FLI1: variants seen among roughly 807,000 people sequenced by gnomAD.
FLI1 encodes the protein Friend leukemia integration 1 transcription factor.
Under a neutral mutation model 53.1 loss-of-function variants are expected in FLI1, and 13 were observed. The observed-to-expected ratio is 0.24, with a 90% CI of 0.16 to 0.39. The LOEUF (loss-of-function observed/expected upper bound fraction) is 0.39, where lower values mean the gene tolerates loss of function less well. Ranked by LOEUF, FLI1 falls within the 10% of genes least tolerant of loss-of-function variation. The pLI is 1.00. For missense variants in FLI1, 424 were observed against 600.5 expected, an observed-to-expected ratio of 0.71 and a Z score of 3.07; for synonymous variants, 244 against 236.7, an observed-to-expected ratio of 1.03 and a Z score of -0.28.
At chr11:128,685,708 C>CAA (rs5795633), upstream of FLI1, among the ~76,000 whole-genome samples, 339 of 57,608 alleles carry the variant, frequency 5.9e-3, 100 homozygotes, top group Middle Eastern at 0.011. Context: ...CTTGAGGAGC[C>CAA]AAAAAAAAAA....
intron 2 of FLI1, among the ~76,000 whole-genome samples, chr11:128,766,520 C>T (rs1021801866): frequency 2.6e-5 from 4 of 152,148 alleles, no homozygotes; most frequent in African/African-American, 9.7e-5. Context: ...ATTTATCTCC[C>T]AGCTATGATA....
chr11:128,736,484 G>A (rs184404331), intron 1 of FLI1, among the ~76,000 whole-genome samples: 79 of 152,306 alleles, frequency 5.2e-4, no homozygotes, highest in African/African-American at 1.9e-3. Context: ...TTTCTCACTT[G>A]AGCAACTTTG....
At chr11:128,764,231 A>G (rs958467317) in intron 2 of FLI1, among the ~76,000 whole-genome samples, 4 of 152,166 alleles carry the variant, frequency 2.6e-5, no homozygotes, top group African/African-American at 9.7e-5. Context: ...AACACCCAAG[A>G]TCTTACACCT....
rs202161078 is a variant in FLI1, at chr11:128,768,280, G to C, written c.385+8G>C. 3 of 1,612,432 alleles carry C rather than the reference G, an allele frequency of 1.9e-6. No individual in the cohort carries two copies. Among genetic ancestry groups the C allele is most frequent in the East Asian group, 2.2e-5 (1 of 44,818 alleles). On this transcript the variant is annotated splice_region_variant and intron_variant, in intron 3 of 8. Coordinates refer to ENST00000527786, the MANE Select transcript of FLI1 (RefSeq NM_002017.5). ...GAGTCATCGTCCCCGCAGGTAATTC[G>C]AGAACCAGGCTGCCTGGGCGCCATT...
intron 2 of FLI1, among the ~76,000 whole-genome samples, chr11:128,762,981 C>T (rs886191313): frequency 9.9e-5 from 15 of 151,940 alleles, no homozygotes; most frequent in African/African-American, 2.9e-4. Flanking sequence ...TTATGTAGTT[C>T]GCACATGTGG....
chr11:128,789,410 G>A (rs548612009), intron 5 of FLI1, among the ~76,000 whole-genome samples: 17 of 152,276 alleles, frequency 1.1e-4, no homozygotes, highest in East Asian at 3.9e-4. Context: ...CGGGGAGGGC[G>A]GAGTAGGTGG....
intron 5 of FLI1, among the ~76,000 whole-genome samples, chr11:128,791,465 C>T (rs1168357062): frequency 6.6e-6 from 1 of 152,134 alleles, no homozygotes; most frequent in Non-Finnish European, 1.5e-5. Context: ...TGCTTATACC[C>T]ACTGTTTTAC....
intron 1 of FLI1, among the ~76,000 whole-genome samples, chr11:128,696,317 AGT>A (rs1190609866): frequency 6.6e-6 from 1 of 152,226 alleles, no homozygotes; most frequent in African/African-American, 2.4e-5. Context: ...TTGAGCCTTT[AGT>A]GTGTGTGTTG....
chr11:128,768,711 A>G (rs1437376224), intron 3 of FLI1, among the ~76,000 whole-genome samples: 1 of 136,456 alleles, frequency 7.3e-6, no homozygotes, highest in Non-Finnish European at 1.6e-5. Context: ...AAAAAAAAAA[A>G]GCTGCACATT....
chr11:128,736,950 G>T (rs1293760299), intron 1 of FLI1, among the ~76,000 whole-genome samples: 1 of 152,136 alleles, frequency 6.6e-6, no homozygotes, highest in Non-Finnish European at 1.5e-5. Flanking sequence ...TCTTCCCAAA[G>T]GAGGCACATT....
At chr11:128,692,355 C>T (rs1466388812), upstream of FLI1, among the ~76,000 whole-genome samples, 1 of 152,028 alleles carries the variant, frequency 6.6e-6, no homozygotes, top group African/African-American at 2.4e-5. Context: ...TGTGGCGGTC[C>T]CAGGGGAGCC....
chr11:128,688,540 A>G (rs1483877665), intron 1 of FLI1, among the ~76,000 whole-genome samples: 2 of 152,190 alleles, frequency 1.3e-5, no homozygotes, highest in African/African-American at 4.8e-5. Context: ...CACCCGGCTC[A>G]GGAGTTGTTG....
At chr11:128,697,435 T>G (rs1248054217) in intron 1 of FLI1, among the ~76,000 whole-genome samples, 1 of 152,232 alleles carries the variant, frequency 6.6e-6, no homozygotes, top group Non-Finnish European at 1.5e-5. Flanking sequence ...TTCTTGTATC[T>G]GTTTCCTTAT....
At chr11:128,796,643 C>T (rs1047040489) in intron 5 of FLI1, among the ~76,000 whole-genome samples, 5 of 152,186 alleles carry the variant, frequency 3.3e-5, no homozygotes, top group African/African-American at 7.2e-5. Context: ...AGCTCAGGGA[C>T]GGAAGTGTTT....
intron 1 of FLI1, among the ~76,000 whole-genome samples, chr11:128,743,890 CG>C (rs1314527633): frequency 6.6e-6 from 1 of 152,144 alleles, no homozygotes; most frequent in African/African-American, 2.4e-5. Flanking sequence ...AGATGGATGC[CG>C]GGAGACAGGA....
At chr11:128,707,931 CT>C (rs1565459084) in intron 1 of FLI1, among the ~76,000 whole-genome samples, 1 of 152,124 alleles carries the variant, frequency 6.6e-6, no homozygotes, top group South Asian at 2.1e-4. Flanking sequence ...GTTGGTTCAT[CT>C]TTTTTTCTCT....
intron 1 of FLI1, among the ~76,000 whole-genome samples, chr11:128,709,010 G>A (rs748051606): frequency 7.2e-5 from 11 of 152,326 alleles, no homozygotes; most frequent in Non-Finnish European, 1.3e-4. Context: ...AACCTCTGGA[G>A]TATTTTGCCA....
At chr11:128,751,689 G>A in intron 1 of FLI1, among the ~76,000 whole-genome samples, 1 of 151,820 alleles carries the variant, frequency 6.6e-6, no homozygotes, top group Non-Finnish European at 1.5e-5. Flanking sequence ...ACCACGCCTG[G>A]TTAATTTTTT....
At chr11:128,757,804 C>T (rs1940949501) in intron 1 of FLI1, among the ~76,000 whole-genome samples, 1 of 152,210 alleles carries the variant, frequency 6.6e-6, no homozygotes, top group African/African-American at 2.4e-5. Context: ...CAAGTCACCA[C>T]TATTCTTGGC....
Sources: gnomAD v4.1 joint callset for allele counts (sites outside exome capture counted in the v4.1 genomes callset) on GRCh38, gnomAD v4.1.1 for gene constraint, MANE v1.5 for transcripts, NCBI Gene and HGNC (gene_info 2026-07-23, HGNC 2026-07-21) for gene names.